The following HNRNPR variants were observed in gnomAD, a reference collection of about 807,000 sequenced individuals.
The protein encoded by HNRNPR is heterogeneous nuclear ribonucleoprotein R.
A neutral mutation model predicts 70.3 loss-of-function variants in HNRNPR; 4 were observed. That is an observed-to-expected ratio of 0.06 (90% CI 0.03 to 0.13). HNRNPR has a LOEUF of 0.13. HNRNPR is among the 10% of genes least tolerant of loss of function. The pLI is 1.00. For missense variants in HNRNPR, 423 were observed against 788.5 expected (o/e 0.54, Z 5.55); for synonymous variants, 241 against 267.6 (o/e 0.90, Z 0.97).
At position 23,309,333 on chromosome 1, in the gene HNRNPR, C is replaced by A. The variant is rs1645254789; in HGVS notation, c.*1121G>T. The A allele has an allele frequency of 6.6e-6, 1 of 152,068 alleles. No homozygotes were observed. Among genetic ancestry groups the A allele is most frequent in the Non-Finnish European group, 1.5e-5 (1 of 67,958 alleles). The allele number at this position is 152,068 out of a possible 1,614,324, so 9.4% of individuals were successfully genotyped here. A position where few individuals can be genotyped will look rare whatever the true frequency, so the allele number is the denominator to read the frequency against. ...AAACTAAAGTCCGCAGTGCAATTGA[C>A]GCCACAGTACTAACAATTTTCCCTG... On this transcript the variant is annotated 3_prime_UTR_variant, in exon 11 of 11. Transcript: ENST00000302271.
chr1:23,339,252 C>T (rs1557943244), intron 2 of HNRNPR, among the ~76,000 whole-genome samples: 1 of 152,216 alleles, frequency 6.6e-6, no homozygotes, highest in East Asian at 1.9e-4. Flanking sequence ...TTAATCAATT[C>T]TGAAAGTCAT....
At chr1:23,312,741 G>A (rs1645382792) in intron 9 of HNRNPR, among the ~76,000 whole-genome samples, 1 of 152,136 alleles carries the variant, frequency 6.6e-6, no homozygotes, top group Non-Finnish European at 1.5e-5. Flanking sequence ...GCTCAGATTA[G>A]AGATGGCAGT....
intron 5 of HNRNPR, among the ~76,000 whole-genome samples, chr1:23,333,204 C>T (rs891052453): frequency 1.3e-5 from 2 of 151,894 alleles, no homozygotes; most frequent in Non-Finnish European, 2.9e-5. Flanking sequence ...AAAAAAAAGA[C>T]AGAATAAAGC....
chr1:23,320,136 A>C (rs564588069), intron 7 of HNRNPR, among the ~76,000 whole-genome samples: 1 of 152,334 alleles, frequency 6.6e-6, no homozygotes, highest in South Asian at 2.1e-4. Flanking sequence ...TCCCAGGCAC[A>C]TAGCACAATG....
intron 8 of HNRNPR, among the ~76,000 whole-genome samples, chr1:23,314,252 T>C (rs1258992240): frequency 6.6e-6 from 1 of 152,014 alleles, no homozygotes; most frequent in Non-Finnish European, 1.5e-5. Flanking sequence ...ATTTAAATAA[T>C]AAAAGGGTGG....
intron 3 of HNRNPR, 142 bp from the exon 4 acceptor site, chr1:23,338,003 A>G: frequency 3.2e-6 from 2 of 629,440 alleles, no homozygotes; most frequent in Non-Finnish European, 5.5e-6. Flanking sequence ...CCGAGTGGTT[A>G]CTATGTGCCA....
At position 23,310,663 on chromosome 1, in the gene HNRNPR, G is replaced by A. The variant is rs750810000; in HGVS notation, c.1693C>T (p.Arg565Cys). Residue 565 changes from arginine (R) to cysteine (C), a missense_variant, in exon 11 of 11, where the codon CGT becomes TGT. Around this residue, in one of 7 missense-constraint regions of HNRNPR, gnomAD observed 169 missense variants for 195.6 expected, o/e 0.86. Coordinates refer to ENST00000302271, the MANE Select transcript of HNRNPR (RefSeq NM_005826.5). This position sits in a 1 kb window ranked among gnomAD's most constrained non-coding sequence, Gnocchi z 6.0. ...CTCTTGCCTCCTACATTGCCCCCAC[G>A]ATTGCCCCGAGATCCACGGGAACCA... Reference protein sequence around the residue: ...GRGSRGSRGNRGGNVGGKRKA... With the variant: ...GRGSRGSRGNCGGNVGGKRKA... 5 of 1,613,352 alleles carry A rather than the reference G, an allele frequency of 3.1e-6. No individual in the cohort carries two copies. The highest frequency in any genetic ancestry group is 2.2e-5 in the East Asian group (1 of 44,866).
chr1:23,341,074 G>A, intron 1 of HNRNPR, 57 bp from the exon 2 acceptor site: 4 of 1,302,928 alleles, frequency 3.1e-6, no homozygotes, highest in South Asian at 1.4e-5. Context: ...CTAGTTTGTA[G>A]GACAATGCAT....
intron 1 of HNRNPR, among the ~76,000 whole-genome samples, chr1:23,341,324 G>T (rs1018554450): frequency 6.6e-6 from 1 of 152,108 alleles, no homozygotes; most frequent in Non-Finnish European, 1.5e-5. Context: ...CTGGTGAAAA[G>T]ATCAAAATCA....
intron 1 of HNRNPR, among the ~76,000 whole-genome samples, chr1:23,342,307 G>T (rs1026640212): frequency 6.6e-6 from 1 of 152,162 alleles, no homozygotes; most frequent in African/African-American, 2.4e-5. Flanking sequence ...AACGAAAGAG[G>T]GAGGAAGACC....
intron 2 of HNRNPR, among the ~76,000 whole-genome samples, chr1:23,340,027 T>G (rs1646652367): frequency 2.1e-5 from 3 of 144,502 alleles, no homozygotes; most frequent in Non-Finnish European, 3.0e-5. Context: ...TTTAAAAATT[T>G]TTTAAGGACA....
Position 23,306,962 on chromosome 1 carries a change from A to C in HNRNPR, c.*3492T>G, listed in dbSNP as rs1645211675. On this transcript the variant is annotated 3_prime_UTR_variant, in exon 11 of 11. Coordinates refer to ENST00000302271, the MANE Select transcript of HNRNPR (RefSeq NM_005826.5). ...TTAGAGAAACATAAACACACTTATA[A>C]ATCCAGTGTAGTCTTTCTATAAGGC... 1 of 152,180 alleles carries C rather than the reference A, an allele frequency of 6.6e-6. No homozygotes were observed. Among genetic ancestry groups the C allele is most frequent in the African/African-American group, 2.4e-5 (1 of 41,454 alleles). 9.4% of individuals were successfully genotyped at this position (152,180 alleles called of 1,614,324 possible). A position where few individuals can be genotyped will look rare whatever the true frequency, so the allele number is the denominator to read the frequency against.
At position 23,305,779 on chromosome 1, in the gene HNRNPR, G is replaced by A. The variant is rs992902561; in HGVS notation, c.*4675C>T. 1 of 152,070 alleles carries A rather than the reference G, an allele frequency of 6.6e-6. No individual in the cohort carries two copies. The highest frequency in any genetic ancestry group is 2.4e-5 in the African/African-American group (1 of 41,424). 9.4% of individuals were successfully genotyped at this position (152,070 alleles called of 1,614,324 possible). On this transcript the variant is annotated 3_prime_UTR_variant, in exon 11 of 11. Transcript: ENST00000302271. ...CTAGCTTTCACACAAAACACAAGTTGTTCATAGGTTTATGTTTCTGCTATG... is the reference window on the plus strand; with the variant it reads ...CTAGCTTTCACACAAAACACAAGTTATTCATAGGTTTATGTTTCTGCTATG...
intron 5 of HNRNPR, among the ~76,000 whole-genome samples, chr1:23,327,713 T>A (rs1188960209): frequency 6.6e-6 from 1 of 151,330 alleles, no homozygotes; most frequent in African/African-American, 2.4e-5. Flanking sequence ...AATAAATAAA[T>A]AAATAGTGAT....
At chr1:23,323,869 T>A (rs928519170) in intron 5 of HNRNPR, 137 bp from the exon 6 acceptor site, 1 of 701,380 alleles carries the variant, frequency 1.4e-6, no homozygotes. Context: ...AAACTTACAG[T>A]TGACTTGCAG....
intron 4 of HNRNPR, among the ~76,000 whole-genome samples, chr1:23,335,683 T>C (rs943186036): frequency 6.6e-6 from 1 of 152,168 alleles, no homozygotes; most frequent in African/African-American, 2.4e-5. Flanking sequence ...TATGCCCAGA[T>C]GGCACCATCT....
At chr1:23,323,378 G>C (rs1221404205) in intron 6 of HNRNPR, among the ~76,000 whole-genome samples, 178 bp downstream of exon 6, 4 of 152,068 alleles carry the variant, frequency 2.6e-5, no homozygotes, top group African/African-American at 9.7e-5. Context: ...GGTATTTTCA[G>C]TTCTTTTTTA....
chr1:23,311,891 T>C (rs1464149772), intron 9 of HNRNPR: 1 of 152,520 alleles, frequency 6.6e-6, no homozygotes, highest in Non-Finnish European at 1.5e-5. Flanking sequence ...ACCCAAAATG[T>C]ACTTTGCTTG....
intron 1 of HNRNPR, among the ~76,000 whole-genome samples, chr1:23,343,530 C>T (rs1646783765): frequency 6.6e-6 from 1 of 152,192 alleles, no homozygotes; most frequent in Non-Finnish European, 1.5e-5. Context: ...AAAAGGATCG[C>T]CTTTCCAATT....
Sources: allele counts gnomAD v4.1 joint callset (sites outside exome capture counted in the v4.1 genomes callset), GRCh38; gene constraint gnomAD v4.1.1; regional missense constraint gnomAD v4.1.1; non-coding constraint Gnocchi (gnomAD v3.1); transcripts MANE v1.5; gene names NCBI Gene and HGNC (gene_info 2026-07-23, HGNC 2026-07-21).